PROM1: variants seen among roughly 807,000 people sequenced by gnomAD.
PROM1 encodes prominin 1.
PROM1 carries 105 observed loss-of-function variants against 116.9 expected under a neutral mutation model. The ratio of observed to expected loss-of-function variants is 0.90; its 90% CI spans 0.77 to 1.06. The LOEUF (loss-of-function observed/expected upper bound fraction) is 1.06, where lower values mean the gene tolerates loss of function less well. Ranked by LOEUF, PROM1 falls within the 50% of genes least tolerant of loss-of-function variation. PROM1 has a pLI of 0.00. For missense variants in PROM1, 1,122 were observed against 1,045.2 expected, an observed-to-expected ratio of 1.07 and a Z score of -1.01; for synonymous variants, 393 against 387.0, an observed-to-expected ratio of 1.02 and a Z score of -0.18.
intron 2 of PROM1, among the ~76,000 whole-genome samples, chr4:16,059,924 C>G (rs1739917552): frequency 6.6e-6 from 1 of 152,020 alleles, no homozygotes; most frequent in East Asian, 1.9e-4. Flanking sequence ...AGAGGGCTCT[C>G]TAGGTGCTAA....
At chr4:16,008,865 T>C (rs897554933) in intron 12 of PROM1, 84 bp downstream of exon 12, 9 of 1,326,942 alleles carry the variant, frequency 6.8e-6, no homozygotes, top group Non-Finnish European at 8.3e-6. Context: ...TCTCATAAGA[T>C]TATCCTGGTG....
chr4:15,982,861 G>C (rs1419834091), intron 23 of PROM1, among the ~76,000 whole-genome samples: 1 of 152,206 alleles, frequency 6.6e-6, no homozygotes, highest in Non-Finnish European at 1.5e-5. Flanking sequence ...GGTTGGGTCG[G>C]AGGCAGAATC....
At chr4:16,023,059 C>T (rs1427187089) in intron 8 of PROM1, among the ~76,000 whole-genome samples, 3 of 150,710 alleles carry the variant, frequency 2.0e-5, no homozygotes, top group African/African-American at 2.5e-5. Flanking sequence ...GGCTGTGTTC[C>T]GATAAAACTG....
intron 12 of PROM1, 93 bp downstream of exon 12, chr4:16,008,856 C>A (rs1036476919): frequency 2.4e-6 from 3 of 1,254,772 alleles, no homozygotes; most frequent in Non-Finnish European, 3.3e-6. Flanking sequence ...ACAATTTGCT[C>A]TCATAAGATT....
chr4:16,062,316 G>A (rs1740538908), intron 2 of PROM1, among the ~76,000 whole-genome samples: 1 of 152,134 alleles, frequency 6.6e-6, no homozygotes, highest in South Asian at 2.1e-4. Flanking sequence ...ACATCCTGAG[G>A]TACTTCGGGT....
intron 5 of PROM1, among the ~76,000 whole-genome samples, chr4:16,029,533 T>C (rs1732161422): frequency 6.6e-6 from 1 of 152,156 alleles, no homozygotes; most frequent in East Asian, 1.9e-4. Context: ...CATAAACATA[T>C]GTCAGTGTCT....
At chr4:16,070,492 C>T (rs79221189) in intron 2 of PROM1, among the ~76,000 whole-genome samples, 2,883 of 152,202 alleles carry the variant, frequency 0.019, 89 homozygotes, top group African/African-American at 0.062. Context: ...TTGATTACAT[C>T]GCAGTTAGCA....
chr4:16,040,902 A>G (rs566670189), intron 2 of PROM1, among the ~76,000 whole-genome samples: 8 of 152,288 alleles, frequency 5.3e-5, no homozygotes, highest in Admixed American at 1.3e-4. Context: ...CCCTTACAAA[A>G]CAAAAGCAAA....
At chr4:15,971,923 C>T (rs1356055275) in intron 26 of PROM1, 2 of 152,202 alleles carry the variant, frequency 1.3e-5, no homozygotes, top group Non-Finnish European at 2.9e-5. Flanking sequence ...GGTAAAGAAA[C>T]AAACTCTTTA....
intron 5 of PROM1, among the ~76,000 whole-genome samples, chr4:16,030,605 G>C (rs1002969142): frequency 1.5e-4 from 23 of 152,168 alleles, no homozygotes; most frequent in African/African-American, 5.1e-4. Context: ...TGGAAGCCAA[G>C]TTTATTTTTT....
intron 2 of PROM1, among the ~76,000 whole-genome samples, chr4:16,048,547 C>A (rs1253142528): frequency 2.6e-5 from 4 of 152,154 alleles, no homozygotes; most frequent in Non-Finnish European, 4.4e-5. Context: ...ACAAATATAA[C>A]AAAGTACCCT....
chr4:16,018,651 A>T, intron 8 of PROM1, 111 bp from the exon 9 acceptor site: 3 of 901,990 alleles, frequency 3.3e-6, no homozygotes, highest in Non-Finnish European at 5.2e-6. Flanking sequence ...GATGGCAGTG[A>T]GAGGGACACA....
chr4:16,009,120 G>A lies in PROM1; in HGVS notation c.1142-12C>T. The A allele has an allele frequency of 6.2e-7, 1 of 1,609,998 alleles. No homozygotes were observed. The highest frequency in any genetic ancestry group is 8.5e-7 in the Non-Finnish European group (1 of 1,177,958). On this transcript the variant is annotated splice_polypyrimidine_tract_variant and intron_variant, in intron 11 of 27. Coordinates refer to ENST00000447510, the MANE Select transcript of PROM1 (RefSeq NM_006017.3). ...GACCCTTTTGATACCTGAAAACAAA[G>A]ATACCTTTGTTATGCATTTGCAAAC...
intron 23 of PROM1, among the ~76,000 whole-genome samples, chr4:15,982,571 C>T (rs1718244096): frequency 6.6e-6 from 1 of 152,210 alleles, no homozygotes; most frequent in Non-Finnish European, 1.5e-5. Flanking sequence ...CCCTCTGCTA[C>T]ACAGCTCCAG....
chr4:16,041,785 A>AATAAATATATAT (rs1207310213), intron 2 of PROM1, among the ~76,000 whole-genome samples: 1 of 37,620 alleles, frequency 2.7e-5, no homozygotes, highest in South Asian at 1.0e-3. Context: ...TAAATAAATA[A>AATAAATATATAT]ATATATATAT....
chr4:15,997,503 C>T (rs541821224), intron 15 of PROM1, among the ~76,000 whole-genome samples: 4 of 151,744 alleles, frequency 2.6e-5, no homozygotes, highest in South Asian at 2.1e-4. Context: ...CTCTTTTGCC[C>T]GGCTGGAGTG....
At chr4:16,051,769 T>C (rs1032084878) in intron 2 of PROM1, among the ~76,000 whole-genome samples, 6 of 152,034 alleles carry the variant, frequency 3.9e-5, no homozygotes, top group African/African-American at 1.4e-4. Context: ...TGGAACCAGG[T>C]TTCTGACCCT....
intron 26 of PROM1, among the ~76,000 whole-genome samples, chr4:15,972,714 G>C (rs1227269135): frequency 6.6e-6 from 1 of 152,150 alleles, no homozygotes; most frequent in Admixed American, 6.5e-5. Flanking sequence ...ATTAGGATTT[G>C]GGCTCTGAAT....
At chr4:15,971,835 C>G (rs1560366490) in intron 26 of PROM1, 3 of 152,272 alleles carry the variant, frequency 2.0e-5, no homozygotes, top group Admixed American at 2.0e-4. Context: ...GCAAGACATT[C>G]CTTCTAAAGT....
Sources: gnomAD v4.1 joint callset for allele counts (sites outside exome capture counted in the v4.1 genomes callset) on GRCh38, gnomAD v4.1.1 for gene constraint, MANE v1.5 for transcripts, NCBI Gene and HGNC (gene_info 2026-07-23, HGNC 2026-07-21) for gene names.